Variants in PHF21B observed in about 807,000 individuals in gnomAD.
PHF21B encodes the protein PHD finger protein 4.
In PHF21B, 22 loss-of-function variants were observed where a neutral mutation model predicts 62.2. The ratio of observed to expected loss-of-function variants is 0.35; its 90% CI spans 0.25 to 0.51. The LOEUF is 0.51. Among genes scored for constraint, PHF21B ranks in the 20% least tolerant of loss-of-function variants. The pLI is 0.97. For missense variants in PHF21B, 701 were observed against 707.9 expected (o/e 0.99, Z 0.11); for synonymous variants, 341 against 314.7 (o/e 1.08, Z -0.88).
chr22:45,007,913 G>C lies in PHF21B; in HGVS notation c.120+632C>G, dbSNP rs376992877. On this transcript the variant is annotated intron_variant, in intron 2 of 12. Transcript: ENST00000313237. The stretch of plus-strand genomic sequence containing the variant: ...TTCCTCCCCGGAGGGGGCCCGGAGG[G>C]GGGGGAGCGGTCGCGCCTCCGACGC... 8.5e-5 allele frequency among the ~76,000 whole-genome samples: 13 copies of C among 152,156 alleles called. No homozygotes were observed. In the East Asian group the frequency reaches 1.6e-3, roughly 18 times the overall value.
chr22:44,893,558 T>A (rs2071004833), intron 6 of PHF21B, 25 bp from the exon 7 acceptor site: 2 of 1,579,032 alleles, frequency 1.3e-6, no homozygotes, highest in Non-Finnish European at 1.7e-6. Context: ...ACACAGCAGT[T>A]ACTGGGTCCT....
intron 2 of PHF21B, among the ~76,000 whole-genome samples, chr22:44,965,108 CA>C (rs2072498994): frequency 6.6e-6 from 1 of 152,146 alleles, no homozygotes; most frequent in Non-Finnish European, 1.5e-5. Context: ...CTCTGAGTCC[CA>C]GCCTGGGACT....
chr22:44,912,070 C>G (rs531774137), intron 5 of PHF21B, among the ~76,000 whole-genome samples: 22 of 152,378 alleles, frequency 1.4e-4, no homozygotes, highest in Non-Finnish European at 1.5e-4. Context: ...AGATTTCGGA[C>G]TTGCATGGGG....
intron 2 of PHF21B, among the ~76,000 whole-genome samples, chr22:44,984,182 C>T (rs2147485144): frequency 6.9e-6 from 1 of 145,826 alleles, no homozygotes; most frequent in Non-Finnish European, 1.5e-5. Context: ...ACCATCACAA[C>T]CACCATCATC....
At chr22:44,916,189 G>C in intron 4 of PHF21B, 91 bp downstream of exon 4, 2 of 1,234,756 alleles carry the variant, frequency 1.6e-6, no homozygotes, top group South Asian at 2.8e-5. Context: ...ATCCTGCCTG[G>C]GCTTGTTCAT....
At chr22:44,988,815 A>G (rs1214424883) in intron 2 of PHF21B, among the ~76,000 whole-genome samples, 2 of 152,216 alleles carry the variant, frequency 1.3e-5, no homozygotes, top group African/African-American at 4.8e-5. Context: ...GGTAATTTAC[A>G]AACAACAGGA....
intron 7 of PHF21B, among the ~76,000 whole-genome samples, chr22:44,892,755 G>A (rs2070988387): frequency 6.6e-6 from 1 of 152,184 alleles, no homozygotes; most frequent in Non-Finnish European, 1.5e-5. Flanking sequence ...AGTTGGCTTT[G>A]GGGAGATGAC....
At chr22:44,966,569 A>T (rs1205327548) in intron 2 of PHF21B, among the ~76,000 whole-genome samples, 3 of 152,164 alleles carry the variant, frequency 2.0e-5, no homozygotes, top group African/African-American at 7.2e-5. Context: ...GGTCAAGGCC[A>T]GGCAGGTGCG....
Position 44,957,954 on chromosome 22 carries a change from G to A in PHF21B, c.121-37464C>T, listed in dbSNP as rs574884403. ...TTTCGCTCTTGTTGCCCAGGCTGGA[G>A]TGCAATGGCGCGATCTCGGCTCACC... On this transcript the variant is annotated intron_variant, in intron 2 of 12. Transcript: ENST00000313237. 4.0e-5 allele frequency among the ~76,000 whole-genome samples: 6 copies of A among 150,562 alleles called. No individual in the cohort carries two copies. The South Asian group carries it at 1.3e-3, about 32-fold the overall frequency.
At chr22:44,920,320 T>TC in intron 3 of PHF21B, 78 bp downstream of exon 3, 1 of 1,218,788 alleles carries the variant, frequency 8.2e-7, no homozygotes. Flanking sequence ...ACCAGAAACC[T>TC]CAGTGCTGAG....
chr22:44,958,028 G>A (rs768044537), intron 2 of PHF21B, among the ~76,000 whole-genome samples: 18 of 151,770 alleles, frequency 1.2e-4, no homozygotes, highest in Middle Eastern at 3.2e-3. Context: ...TCTGCCTCCC[G>A]AGTAGCTAGG....
At position 44,957,903 on chromosome 22, in the gene PHF21B, A is replaced by ATT. The variant is rs11312000; in HGVS notation, c.121-37415_121-37414dup. On this transcript the variant is annotated intron_variant, in intron 2 of 12. Transcript: ENST00000313237. Reference sequence around the variant, plus strand: ...TAGCTGGACCTGATCACCACTGGACATTTTTTTTTTTTTTTTGAGATGGAG... The same window carrying ATT: ...TAGCTGGACCTGATCACCACTGGACATTTTTTTTTTTTTTTTTTGAGATGGAG... Among the ~76,000 whole-genome samples the ATT allele has an allele frequency of 3.6e-3, 501 of 138,258 alleles. 3 individuals are homozygous for ATT. Among genetic ancestry groups the ATT allele is most frequent in the African/African-American group, 0.011 (397 of 37,526 alleles). The allele number at this position is 138,258 out of a possible 152,430, so 90.7% of individuals were successfully genotyped here.
At chr22:44,944,913 C>A (rs917163865) in intron 2 of PHF21B, among the ~76,000 whole-genome samples, 1 of 152,248 alleles carries the variant, frequency 6.6e-6, no homozygotes, top group African/African-American at 2.4e-5. Flanking sequence ...CCTCGACGGT[C>A]ACTCCTGCCT....
At chr22:44,989,280 G>C (rs951649908) in intron 2 of PHF21B, 1 of 152,230 alleles carries the variant, frequency 6.6e-6, no homozygotes, top group African/African-American at 2.4e-5. Context: ...CTGTGCGAGT[G>C]ATGAGAAGGG....
chr22:44,945,651 G>A lies in PHF21B; in HGVS notation c.121-25161C>T, dbSNP rs544919653. ...CTGATCGTGGGGACAGGGAGTGATAGGGAACCCCAGGAACGCCATCTTCCA... is the reference window on the plus strand; with the variant it reads ...CTGATCGTGGGGACAGGGAGTGATAAGGAACCCCAGGAACGCCATCTTCCA... On this transcript the variant is annotated intron_variant, in intron 2 of 12. Coordinates refer to ENST00000313237, the MANE Select transcript of PHF21B (RefSeq NM_138415.5). Among the ~76,000 whole-genome samples the A allele has an allele frequency of 3.3e-5, 5 of 152,004 alleles. 1 individual carries two copies. In the South Asian group the frequency reaches 8.4e-4, roughly 25 times the overall value.
intron 5 of PHF21B, among the ~76,000 whole-genome samples, chr22:44,908,805 T>A (rs1192653990): frequency 1.3e-5 from 2 of 152,226 alleles, no homozygotes; most frequent in Non-Finnish European, 2.9e-5. Flanking sequence ...TATGTGTGTA[T>A]GTATGTACAT....
At chr22:44,920,150 T>C (rs955344910) in intron 3 of PHF21B, among the ~76,000 whole-genome samples, 8 of 152,266 alleles carry the variant, frequency 5.3e-5, no homozygotes, top group Non-Finnish European at 8.8e-5. Flanking sequence ...CCTCATTTAT[T>C]CCATTTTAAA....
chr22:44,926,845 C>T (rs1457997113), intron 2 of PHF21B, among the ~76,000 whole-genome samples: 2 of 152,046 alleles, frequency 1.3e-5, no homozygotes, highest in Admixed American at 6.6e-5. Flanking sequence ...CCATGTGGGC[C>T]GGGAGTGACC....
intron 2 of PHF21B, among the ~76,000 whole-genome samples, chr22:44,937,132 C>A (rs192026163): frequency 7.8e-4 from 119 of 152,306 alleles, no homozygotes; most frequent in African/African-American, 2.7e-3. Flanking sequence ...TCCCAAACTG[C>A]TGGGATTACA....
Sources: gnomAD v4.1 joint callset for allele counts (sites outside exome capture counted in the v4.1 genomes callset) on GRCh38, gnomAD v4.1.1 for gene constraint, MANE v1.5 for transcripts, NCBI Gene and HGNC (gene_info 2026-07-23, HGNC 2026-07-21) for gene names.